ZNF44: variants seen among roughly 807,000 people sequenced by gnomAD.
ZNF44 encodes gonadotropin inducible transcription repressor-2.
ZNF44 carries 9 observed loss-of-function variants against 11.7 expected under a neutral mutation model. The observed-to-expected ratio is 0.77, with a 90% CI of 0.46 to 1.35. ZNF44 has a LOEUF of 1.35. Ranked by LOEUF, ZNF44 falls within the 40% of genes most tolerant of loss-of-function variation. The pLI, the probability that ZNF44 is intolerant of heterozygous loss-of-function variation, is 0.00. For missense variants in ZNF44, 696 were observed against 743.1 expected (o/e 0.94, Z 0.74); for synonymous variants, 224 against 242.7 (o/e 0.92, Z 0.72).
intron 1 of ZNF44, chr19:12,284,429 T>C: frequency 1.6e-6 from 1 of 633,448 alleles, no homozygotes; most frequent in Non-Finnish European, 2.9e-6. Flanking sequence ...ATTTCGGCAG[T>C]GGCATCCGGG....
Position 12,278,306 on chromosome 19 carries a change from T to A in ZNF44, c.4-2224A>T, listed in dbSNP as rs557316852. On this transcript the variant is annotated intron_variant, in intron 1 of 3. Transcript: ENST00000355684. ...AGGCTTTTAGTTAGTCTATAATCTA[T>A]AGAAACAACGCTTATCACTGGCTTA... 2.0e-5 allele frequency among the ~76,000 whole-genome samples: 3 copies of A among 152,314 alleles called. No homozygotes were observed. The East Asian group carries it at 5.8e-4, about 29-fold the overall frequency.
At chr19:12,245,970 G>A (rs192054398), downstream of ZNF44, among the ~76,000 whole-genome samples, 15 of 152,274 alleles carry the variant, frequency 9.9e-5, no homozygotes, top group Admixed American at 7.8e-4. Flanking sequence ...TTCTCAGACA[G>A]GTAGAGTTCC....
chr19:12,292,270 A>G (rs914681567), intron 1 of ZNF44, among the ~76,000 whole-genome samples: 1 of 152,160 alleles, frequency 6.6e-6, no homozygotes, highest in Non-Finnish European at 1.5e-5. Context: ...TGATGGTGCC[A>G]CTACACTCCA....
At chr19:12,257,195 A>T (rs1917296905) in intron 5 of ZNF44, among the ~76,000 whole-genome samples, 1 of 152,222 alleles carries the variant, frequency 6.6e-6, no homozygotes, top group South Asian at 2.1e-4. Context: ...TAGAGACTGA[A>T]CAAAACCTAT....
intron 1 of ZNF44, chr19:12,285,183 T>C (rs1289226038): frequency 1.4e-5 from 7 of 508,794 alleles, no homozygotes; most frequent in African/African-American, 1.2e-4. Context: ...GGCTACAACA[T>C]AGGGCTTTCA....
At position 12,275,009 on chromosome 19, in the gene ZNF44, A is replaced by G. The variant is rs749936186; in HGVS notation, c.155T>C (p.Ile52Thr). 8.2e-6 allele frequency: 13 copies of G among 1,590,208 alleles called. No individual in the cohort carries two copies. The highest frequency in any genetic ancestry group is 3.5e-5 in the Admixed American group (2 of 56,876). ...CIGMKWENQN[I>T]DDQHQNLRRN... ...CCTGAGATTTTGGTGCTGATCATCA[A>G]TGTTCTGGTTTTCCCATTTCATTCC... Residue 52 changes from isoleucine to threonine, a missense_variant, in exon 3 of 4, where the codon ATT (isoleucine) becomes ACT (threonine). Coordinates refer to ENST00000355684, the MANE Select transcript of ZNF44 (RefSeq NM_016264.4).
chr19:12,258,929 C>T (rs976156550), intron 5 of ZNF44, among the ~76,000 whole-genome samples: 5 of 152,126 alleles, frequency 3.3e-5, no homozygotes, highest in African/African-American at 1.2e-4. Context: ...GGCTGGAGTG[C>T]AGTGGCACAG....
intron 1 of ZNF44, among the ~76,000 whole-genome samples, chr19:12,236,195 T>C (rs922588626): frequency 6.6e-6 from 1 of 152,182 alleles, no homozygotes; most frequent in African/African-American, 2.4e-5. Flanking sequence ...ATACAAACCC[T>C]AGAAGGGTTA....
rs745719881 is a variant in ZNF44 at position 12,273,511 on chromosome 19, A to G, written c.744T>C (p.Thr248=). ...SSYLRHEKIH[T]GEKPYECKQC... ...GCTTACATTCATACGGTTTCTCCCC[A>G]GTGTGTATTTTTTCATGTCTTAGAT... is the stretch of plus-strand genomic sequence containing the variant. Residue 248 remains threonine, a synonymous_variant, in exon 4 of 4, where the codon ACT becomes ACC. Coordinates refer to ENST00000355684, the MANE Select transcript of ZNF44 (RefSeq NM_016264.4). The G allele has an allele frequency of 6.2e-7, 1 of 1,614,100 alleles. No homozygotes were observed. The highest frequency in any genetic ancestry group is 1.1e-5 in the South Asian group (1 of 91,086).
intron 1 of ZNF44, chr19:12,285,194 T>C (rs1208209520): frequency 2.1e-6 from 1 of 471,954 alleles, no homozygotes. Flanking sequence ...AGGGCTTTCA[T>C]ACAAGAAAAA....
At chr19:12,238,310 T>G (rs1218325899), upstream of ZNF44, among the ~76,000 whole-genome samples, 1 of 151,858 alleles carries the variant, frequency 6.6e-6, no homozygotes, top group Non-Finnish European at 1.5e-5. Context: ...GCCAACATGG[T>G]GAAACCCCAT....
At chr19:12,276,108 A>G (rs1189036471) in intron 1 of ZNF44, 26 bp from the exon 2 acceptor site, 1 of 1,591,082 alleles carries the variant, frequency 6.3e-7, no homozygotes, top group South Asian at 1.1e-5. Flanking sequence ...TGTCCAGAAA[A>G]GGAAGGTTGA....
At chr19:12,286,572 G>C (rs1425272051) in intron 1 of ZNF44, among the ~76,000 whole-genome samples, 1 of 151,832 alleles carries the variant, frequency 6.6e-6, no homozygotes, top group Admixed American at 6.6e-5. Flanking sequence ...GGCAGAGGTA[G>C]GTTGCAGTGA....
intron 5 of ZNF44, among the ~76,000 whole-genome samples, chr19:12,261,246 C>G (rs1277781841): frequency 6.6e-6 from 1 of 152,146 alleles, no homozygotes; most frequent in African/African-American, 2.4e-5. Context: ...CTCAGCTTGT[C>G]CAGAAGTAGG....
chr19:12,251,121 C>T (rs960140879), intron 5 of ZNF44, among the ~76,000 whole-genome samples: 17 of 152,086 alleles, frequency 1.1e-4, no homozygotes, highest in Admixed American at 2.0e-4. Flanking sequence ...CACCTGAGGT[C>T]GGGGGTTCCA....
chr19:12,229,009 G>A (rs1204813155), intron 3 of ZNF44, among the ~76,000 whole-genome samples: 3 of 152,116 alleles, frequency 2.0e-5, no homozygotes, highest in Non-Finnish European at 4.4e-5. Flanking sequence ...TAACTTTACT[G>A]TACCAGTAAG....
At chr19:12,247,938 C>T in exon 8 of ZNF44, 2 of 1,349,766 alleles carry the variant, frequency 1.5e-6, no homozygotes, top group Non-Finnish European at 2.0e-6. Context: ...ACATTCCTTG[C>T]ATTTGTAGGG....
At chr19:12,293,301 A>G in intron 1 of ZNF44, 2 of 1,536,970 alleles carry the variant, frequency 1.3e-6, no homozygotes, top group Non-Finnish European at 1.7e-6. Flanking sequence ...AAGGGCCGAT[A>G]TCCACTAGGC....
chr19:12,272,768 C>T lies in ZNF44; in HGVS notation c.1487G>A (p.Arg496Lys). 1 of 1,613,830 alleles carries T rather than the reference C, an allele frequency of 6.2e-7. No homozygotes were observed. The highest frequency in any genetic ancestry group is 2.2e-5 in the East Asian group (1 of 44,878). The part of the protein sequence containing the change: ...SSFKYFCRHE[R>K]THSEEKSYEC... ...ATAAGATTTTTCTTCACTGTGAGTC[C>T]TTTCATGGCGACAAAAGTATTTAAA... Residue 496 changes from arginine to lysine, a missense_variant, in exon 4 of 4, where the codon AGG (arginine) becomes AAG (lysine). Transcript: ENST00000355684.
Sources: allele counts gnomAD v4.1 joint callset (sites outside exome capture counted in the v4.1 genomes callset), GRCh38; gene constraint gnomAD v4.1.1; transcripts MANE v1.5; gene names NCBI Gene and HGNC (gene_info 2026-07-23, HGNC 2026-07-21).